Variants in FOXP2 observed in about 807,000 individuals in gnomAD.
FOXP2 encodes the protein forkhead box P2, also known as forkhead box protein P2.
A neutral mutation model predicts 115.8 loss-of-function variants in FOXP2; 12 were observed. The observed-to-expected ratio is 0.10, with a 90% CI of 0.07 to 0.17. The LOEUF is 0.17. Among genes scored for constraint, FOXP2 ranks in the 10% least tolerant of loss-of-function variants. The pLI, the probability that FOXP2 is intolerant of heterozygous loss-of-function variation, is 1.00. For synonymous variants in FOXP2, 328 were observed against 297.7 expected, an observed-to-expected ratio of 1.10 and a Z score of -1.05; for missense variants, 629 against 843.5, an observed-to-expected ratio of 0.75 and a Z score of 3.15.
intron 1 of FOXP2, among the ~76,000 whole-genome samples, chr7:114,166,931 G>A (rs1157132187): frequency 6.6e-6 from 1 of 152,138 alleles, no homozygotes; most frequent in Non-Finnish European, 1.5e-5. Context: ...CCAAATGATG[G>A]TGAGGATGTG....
At chr7:114,151,473 T>C (rs1442750786) in intron 1 of FOXP2, among the ~76,000 whole-genome samples, 1 of 152,104 alleles carries the variant, frequency 6.6e-6, no homozygotes, top group Non-Finnish European at 1.5e-5. Flanking sequence ...CACTACATAC[T>C]GTTTCTGTTT....
intron 3 of FOXP2, among the ~76,000 whole-genome samples, chr7:114,557,603 A>G (rs1036642400): frequency 6.6e-6 from 1 of 152,140 alleles, no homozygotes; most frequent in East Asian, 1.9e-4. Flanking sequence ...TATTCAGTTT[A>G]TCACAAAACT....
At chr7:114,604,556 C>G (rs1563028501) in intron 3 of FOXP2, among the ~76,000 whole-genome samples, 1 of 152,084 alleles carries the variant, frequency 6.6e-6, no homozygotes, top group Non-Finnish European at 1.5e-5. Context: ...ATAGAAAATT[C>G]ATAAATAACT....
intron 2 of FOXP2, among the ~76,000 whole-genome samples, chr7:114,469,290 T>C (rs1042403415): frequency 1.3e-5 from 2 of 152,162 alleles, no homozygotes; most frequent in Admixed American, 1.3e-4. Context: ...CAATATCCTA[T>C]GTCATATACA....
chr7:114,285,208 G>A (rs1029932125), intron 1 of FOXP2, among the ~76,000 whole-genome samples: 1 of 151,904 alleles, frequency 6.6e-6, no homozygotes, highest in African/African-American at 2.4e-5. Flanking sequence ...GGTTTTTTTG[G>A]TATGTGACTT....
At chr7:114,094,976 C>T (rs937908729) in intron 1 of FOXP2, among the ~76,000 whole-genome samples, 3 of 152,164 alleles carry the variant, frequency 2.0e-5, no homozygotes, top group Non-Finnish European at 4.4e-5. Flanking sequence ...TTCCAAATCT[C>T]AGTGAACTCT....
At chr7:114,359,165 C>A (rs949487403) in intron 2 of FOXP2, among the ~76,000 whole-genome samples, 1 of 152,124 alleles carries the variant, frequency 6.6e-6, no homozygotes, top group Non-Finnish European at 1.5e-5. Flanking sequence ...TAAAAGGGAC[C>A]AATTAACAGC....
chr7:114,273,019 A>G (rs1453386677), intron 1 of FOXP2, among the ~76,000 whole-genome samples: 1 of 151,826 alleles, frequency 6.6e-6, no homozygotes, highest in Non-Finnish European at 1.5e-5. Flanking sequence ...AGTTTCCCAA[A>G]GAGCAAACAT....
chr7:114,685,697 A>G, intron 16 of FOXP2, among the ~76,000 whole-genome samples: 1 of 152,214 alleles, frequency 6.6e-6, no homozygotes. Context: ...TTGCCCATGC[A>G]TGCAAAATGT....
At chr7:114,249,783 GT>G (rs534782913) in intron 1 of FOXP2, among the ~76,000 whole-genome samples, 1 of 149,506 alleles carries the variant, frequency 6.7e-6, no homozygotes, top group African/African-American at 2.5e-5. Context: ...CTAGGTCTTT[GT>G]TTTTTTTTGT....
intron 2 of FOXP2, among the ~76,000 whole-genome samples, chr7:114,334,411 A>G (rs1253589464): frequency 2.0e-5 from 3 of 151,914 alleles, no homozygotes; most frequent in African/African-American, 4.8e-5. Flanking sequence ...TAATTTAATG[A>G]CCCTAGAGAG....
intron 2 of FOXP2, among the ~76,000 whole-genome samples, chr7:114,479,908 A>G (rs1796449212): frequency 6.6e-6 from 1 of 151,448 alleles, no homozygotes; most frequent in South Asian, 2.1e-4. Flanking sequence ...TTCAGCCATT[A>G]CATCCTGATC....
intron 3 of FOXP2, among the ~76,000 whole-genome samples, chr7:114,604,230 A>T (rs1024779525): frequency 2.0e-5 from 3 of 151,814 alleles, no homozygotes; most frequent in African/African-American, 4.8e-5. Context: ...GAACTGGAGA[A>T]CTCTATGGAG....
At chr7:114,278,838 A>G (rs1162018373) in intron 1 of FOXP2, among the ~76,000 whole-genome samples, 1 of 152,188 alleles carries the variant, frequency 6.6e-6, no homozygotes, top group African/African-American at 2.4e-5. Flanking sequence ...ACTTTGCTGA[A>G]GTTAAACTGA....
chr7:114,309,103 A>C (rs1023958079), intron 2 of FOXP2, among the ~76,000 whole-genome samples: 1 of 152,226 alleles, frequency 6.6e-6, no homozygotes, highest in African/African-American at 2.4e-5. Flanking sequence ...TATTTGCAGC[A>C]GAGAGCAGGT....
chr7:114,145,872 G>C (rs758376111), intron 1 of FOXP2, among the ~76,000 whole-genome samples: 19 of 152,214 alleles, frequency 1.2e-4, no homozygotes, highest in Admixed American at 3.3e-4. Flanking sequence ...TCTAGAAGTT[G>C]TGTGTAAACA....
chr7:114,086,643 A>G (rs1456513275), upstream of FOXP2: 3 of 372,498 alleles, frequency 8.1e-6, no homozygotes, highest in Non-Finnish European at 1.6e-5. Context: ...CTGGCGCGCT[A>G]CACCTCCGCA....
chr7:114,213,239 G>A (rs904602879), intron 1 of FOXP2, among the ~76,000 whole-genome samples: 6 of 152,158 alleles, frequency 3.9e-5, no homozygotes, highest in Non-Finnish European at 7.4e-5. Flanking sequence ...GTTACAGGAA[G>A]AAATATGTTT....
chr7:114,168,115 G>A (rs146392141), intron 1 of FOXP2, among the ~76,000 whole-genome samples: 24 of 152,070 alleles, frequency 1.6e-4, no homozygotes, highest in East Asian at 1.4e-3. Flanking sequence ...CCAGTCTTGG[G>A]TATGTCTTTA....
Sources: allele counts gnomAD v4.1 joint callset (sites outside exome capture counted in the v4.1 genomes callset), GRCh38; gene constraint gnomAD v4.1.1; transcripts MANE v1.5; gene names NCBI Gene and HGNC (gene_info 2026-07-23, HGNC 2026-07-21).